TLE4: variants seen among roughly 807,000 people sequenced by gnomAD.
The protein encoded by TLE4 is TLE family member 4, transcriptional corepressor, also known as transducin-like enhancer protein 4.
In TLE4, 8 loss-of-function variants were observed where a neutral mutation model predicts 92.8. The ratio of observed to expected loss-of-function variants is 0.09; its 90% CI spans 0.05 to 0.16. TLE4 has a LOEUF of 0.16. TLE4 is among the 10% of genes least tolerant of loss of function. TLE4 has a pLI of 1.00. For missense variants in TLE4, 675 were observed against 997.6 expected (o/e 0.68, Z 4.36); for synonymous variants, 371 against 374.1 (o/e 0.99, Z 0.10).
At chr9:79,627,190 C>G (rs897212284) in intron 5 of TLE4, among the ~76,000 whole-genome samples, 184 bp from the exon 6 acceptor site, 8 of 152,138 alleles carry the variant, frequency 5.3e-5, no homozygotes, top group African/African-American at 1.7e-4. Flanking sequence ...GACTCCTCAA[C>G]TTTGTGGACC....
At chr9:79,628,690 T>C (rs2053341716) in intron 6 of TLE4, among the ~76,000 whole-genome samples, 1 of 152,094 alleles carries the variant, frequency 6.6e-6, no homozygotes, top group Non-Finnish European at 1.5e-5. Context: ...AACAAGAGGC[T>C]GAATCAGAAG....
intron 8 of TLE4, among the ~76,000 whole-genome samples, chr9:79,676,439 T>C (rs1219728712): frequency 6.6e-6 from 1 of 152,114 alleles, no homozygotes; most frequent in African/African-American, 2.4e-5. Flanking sequence ...CAATTTGATA[T>C]AACACTGGAA....
intron 8 of TLE4, among the ~76,000 whole-genome samples, chr9:79,675,705 G>A (rs995570688): frequency 7.9e-5 from 12 of 152,122 alleles, no homozygotes; most frequent in African/African-American, 2.9e-4. Flanking sequence ...TGCCACTGTG[G>A]TTGGTCATTT....
At chr9:79,574,040 C>G (rs2036861872) in intron 2 of TLE4, 1 of 278,164 alleles carries the variant, frequency 3.6e-6, no homozygotes, top group African/African-American at 2.2e-5. Flanking sequence ...ACGCTGAGGC[C>G]AAACTTTCGA....
At chr9:79,668,464 C>T (rs2061752240) in intron 8 of TLE4, among the ~76,000 whole-genome samples, 1 of 152,114 alleles carries the variant, frequency 6.6e-6, no homozygotes, top group Non-Finnish European at 1.5e-5. Flanking sequence ...CCTTCCGATA[C>T]CAAACTGGAA....
chr9:79,684,778 G>A (rs931467662), intron 8 of TLE4, among the ~76,000 whole-genome samples: 2 of 152,150 alleles, frequency 1.3e-5, no homozygotes, highest in African/African-American at 4.8e-5. Flanking sequence ...CCAGAGTCTA[G>A]GAGAGCCTCT....
chr9:79,698,329 A>G (rs2068816717), intron 8 of TLE4, among the ~76,000 whole-genome samples: 1 of 152,218 alleles, frequency 6.6e-6, no homozygotes, highest in Non-Finnish European at 1.5e-5. Context: ...ATTACCTGCA[A>G]AAGAAATTTA....
chr9:79,598,703 G>A (rs1184081225), intron 4 of TLE4, among the ~76,000 whole-genome samples: 1 of 151,886 alleles, frequency 6.6e-6, no homozygotes, highest in Non-Finnish European at 1.5e-5. Flanking sequence ...AAATTAATAT[G>A]GCTCACATTA....
rs1400513968 is a variant in TLE4, at chr9:79,714,452, A to G, written c.1341-4270A>G. 2.6e-5 allele frequency among the ~76,000 whole-genome samples: 4 copies of G among 152,334 alleles called. 2 individuals carry two copies. In the South Asian group the frequency reaches 8.3e-4, roughly 32 times the overall value. ...GAATTCCTGGATTAAAACCAATTCAAGGATTTCCCAGCTCATTTTACCTCA... is the reference window on the plus strand; with the variant it reads ...GAATTCCTGGATTAAAACCAATTCAGGGATTTCCCAGCTCATTTTACCTCA... On this transcript the variant is annotated intron_variant, in intron 14 of 19. Transcript: ENST00000376552.
intron 11 of TLE4, 54 bp from the exon 12 acceptor site, chr9:79,708,064 G>T: frequency 6.4e-6 from 10 of 1,565,624 alleles, no homozygotes; most frequent in Non-Finnish European, 8.8e-6. Flanking sequence ...ACTGTTTAAC[G>T]TCATTGTTAA....
chr9:79,590,582 T>C (rs2042300541), intron 4 of TLE4, among the ~76,000 whole-genome samples: 1 of 152,178 alleles, frequency 6.6e-6, no homozygotes, highest in Non-Finnish European at 1.5e-5. Context: ...CCTAGGAGGC[T>C]CATAGTAAAG....
rs188823645 is a variant in TLE4 at position 79,623,334 on chromosome 9, T to G, written c.316-4040T>G. 1.5e-3 allele frequency among the ~76,000 whole-genome samples: 225 copies of G among 152,278 alleles called. 1 individual carries two copies. Among genetic ancestry groups the G allele is most frequent in the Admixed American group, 4.7e-3 (72 of 15,300 alleles). On this transcript the variant is annotated intron_variant, in intron 5 of 19. Transcript: ENST00000376552. Reference sequence around the variant, plus strand: ...ATCATAATACCTTCTGAGAAATATATATTAAACACCTACTATACACATATT... The same window carrying G: ...ATCATAATACCTTCTGAGAAATATAGATTAAACACCTACTATACACATATT...
In TLE4 at chr9:79,572,603, C is replaced by G. The variant is rs367992343; in HGVS notation, c.-188C>G. 306 of 262,024 alleles carry G rather than the reference C, an allele frequency of 1.2e-3. 4 individuals are homozygous for G. The East Asian group carries it at 0.022, about 18-fold the overall frequency. The allele number at this position is 262,024 out of a possible 1,614,324, so 16.2% of individuals were successfully genotyped here. On this transcript the variant is annotated 5_prime_UTR_variant, in exon 1 of 20. Transcript: ENST00000376552. Reference sequence around the variant, plus strand: ...GGGGAATGCGGAGCGGCCCGGCAGCCGGCACCCAGCCGCCGCCGCGCGTTC... The same window carrying G: ...GGGGAATGCGGAGCGGCCCGGCAGCGGGCACCCAGCCGCCGCCGCGCGTTC...
At chr9:79,636,261 C>G (rs1237460644) in intron 6 of TLE4, among the ~76,000 whole-genome samples, 3 of 152,084 alleles carry the variant, frequency 2.0e-5, no homozygotes, top group South Asian at 4.1e-4. Context: ...AGTTCAAGAC[C>G]AGCCTGGGCA....
At chr9:79,613,653 C>G (rs542196792) in intron 5 of TLE4, among the ~76,000 whole-genome samples, 1 of 152,100 alleles carries the variant, frequency 6.6e-6, no homozygotes, top group African/African-American at 2.4e-5. Context: ...TTCTTCCTAC[C>G]CTTTCAGTTG....
intron 8 of TLE4, among the ~76,000 whole-genome samples, chr9:79,682,415 G>A (rs576917279): frequency 6.6e-6 from 1 of 152,234 alleles, no homozygotes; most frequent in South Asian, 2.1e-4. Context: ...TTCCTGACAT[G>A]CCTTTTCCAA....
intron 10 of TLE4, 91 bp downstream of exon 10, chr9:79,706,033 T>C: frequency 8.1e-7 from 1 of 1,228,992 alleles, no homozygotes; most frequent in Non-Finnish European, 1.2e-6. Flanking sequence ...TATCTTGAGG[T>C]TTGTCGTTTT....
At chr9:79,709,251 GTTTCT>G (rs2072598634) in intron 13 of TLE4, among the ~76,000 whole-genome samples, 1 of 152,010 alleles carries the variant, frequency 6.6e-6, no homozygotes, top group Non-Finnish European at 1.5e-5. Flanking sequence ...AGGTGAAGAA[GTTTCT>G]TTTTTATTTT....
intron 8 of TLE4, among the ~76,000 whole-genome samples, chr9:79,666,781 A>G (rs1171747500): frequency 6.6e-6 from 1 of 152,230 alleles, no homozygotes; most frequent in African/African-American, 2.4e-5. Flanking sequence ...TTACATGGAA[A>G]CATTTGGTGA....
Sources: gnomAD v4.1 joint callset for allele counts (sites outside exome capture counted in the v4.1 genomes callset) on GRCh38, gnomAD v4.1.1 for gene constraint, MANE v1.5 for transcripts, NCBI Gene and HGNC (gene_info 2026-07-23, HGNC 2026-07-21) for gene names.